ATP1A2: variants seen among roughly 807,000 people sequenced by gnomAD.
ATP1A2 encodes ATPase Na+/K+ transporting subunit alpha 2, also known as sodium/potassium-transporting ATPase subunit alpha-2.
A neutral mutation model predicts 113.1 loss-of-function variants in ATP1A2; 56 were observed. The observed-to-expected ratio is 0.49, with a 90% CI of 0.40 to 0.62. The LOEUF is 0.62. Ranked by LOEUF, ATP1A2 falls within the 20% of genes least tolerant of loss-of-function variation. ATP1A2 has a pLI of 0.00. For synonymous variants in ATP1A2, 490 were observed against 526.8 expected, an observed-to-expected ratio of 0.93 and a Z score of 0.96; for missense variants, 712 against 1,357.8, an observed-to-expected ratio of 0.52 and a Z score of 7.47.
In ATP1A2 at chr1:160,130,500, C is replaced by G; in HGVS notation, c.1730C>G (p.Thr577Arg). The G allele has an allele frequency of 6.2e-7, 1 of 1,614,250 alleles. No homozygotes were observed. The change falls in exon 13 of 23, where the codon ACG becomes AGG. Residue 577 changes from threonine (T) to arginine (R), a missense_variant. By Grantham distance (71) the Thr-to-Arg change is moderately conservative. This residue lies in a region of ATP1A2 where 263 missense variants were observed against 380.6 expected (regional missense o/e 0.69). Coordinates refer to ENST00000361216, the MANE Select transcript of ATP1A2 (RefSeq NM_000702.4). ...GACACGGATGAGCTGAACTTTCCCA[C>G]GGAGAAGCTTTGCTTTGTGGGGCTC... is the stretch of plus-strand genomic sequence containing the variant. ...KFDTDELNFPTEKLCFVGLMS... is the reference protein window; with the variant it reads ...KFDTDELNFPREKLCFVGLMS...
chr1:160,129,955 C>A (rs1279633781), intron 11 of ATP1A2, 147 bp from the exon 12 acceptor site: 8 of 990,560 alleles, frequency 8.1e-6, no homozygotes, highest in African/African-American at 1.6e-5. Context: ...GGTCTAAACA[C>A]CCCCCTGCAC....
At chr1:160,134,984 G>C (rs1283842697) in intron 14 of ATP1A2, among the ~76,000 whole-genome samples, 161 bp from the exon 15 acceptor site, 1 of 152,198 alleles carries the variant, frequency 6.6e-6, no homozygotes, top group East Asian at 1.9e-4. Flanking sequence ...TTCTCAAAGA[G>C]AAATGGGGGA....
In ATP1A2 at chr1:160,128,807, C is replaced by T. The variant is rs757553462; in HGVS notation, c.1173C>T (p.Phe391=). ...GCATGACCGTCGCCCACATGTGGTTCGACAACCAAATCCATGAGGCTGACA... is the reference window on the plus strand; with the variant it reads ...GCATGACCGTCGCCCACATGTGGTTTGACAACCAAATCCATGAGGCTGACA... ...QNRMTVAHMW[F]DNQIHEADTT... Residue 391 remains phenylalanine, a synonymous_variant, in exon 9 of 23, where the codon TTC becomes TTT. Coordinates refer to ENST00000361216, the MANE Select transcript of ATP1A2 (RefSeq NM_000702.4). 6.2e-6 allele frequency: 10 copies of T among 1,614,020 alleles called. No homozygotes were observed. The highest frequency in any genetic ancestry group is 2.7e-5 in the African/African-American group (2 of 74,898).
chr1:160,124,502 G>C (rs895709287), intron 6 of ATP1A2, 72 bp downstream of exon 6: 8 of 1,553,624 alleles, frequency 5.1e-6, no homozygotes, highest in Non-Finnish European at 3.5e-6. Flanking sequence ...GAGGGGCCCA[G>C]TGAGGTTTAA....
chr1:160,115,953 G>T lies in ATP1A2; in HGVS notation c.12+80G>T, dbSNP rs372906753. 805 of 1,557,764 alleles carry T rather than the reference G, an allele frequency of 5.2e-4. 2 individuals carry two copies. In the African/African-American group the frequency reaches 9.5e-3, roughly 18 times the overall value. ...AGGAAGGATGAAGTGGGAATGGGATGTGGAAGGAGCGGGAGAGAGGAGCTG... is the reference window on the plus strand; with the variant it reads ...AGGAAGGATGAAGTGGGAATGGGATTTGGAAGGAGCGGGAGAGAGGAGCTG... On this transcript the variant is annotated intron_variant, in intron 1 of 22. Transcript: ENST00000361216.
intron 6 of ATP1A2, among the ~76,000 whole-genome samples, 200 bp from the exon 7 acceptor site, chr1:160,124,936 A>G (rs908055965): frequency 1.3e-5 from 2 of 152,216 alleles, no homozygotes; most frequent in Non-Finnish European, 2.9e-5. Context: ...CCGAGGTCAC[A>G]TAAGAAGTCA....
intron 22 of ATP1A2, 25 bp from the exon 23 acceptor site, chr1:160,141,269 T>C: frequency 6.2e-7 from 1 of 1,613,850 alleles, no homozygotes; most frequent in Admixed American, 1.7e-5. Context: ...CATGCTGCAA[T>C]CTCCACTCCC....
rs1652140887 is a variant in ATP1A2 at position 160,141,327 on chromosome 1, A to T, written c.*5A>T. The T allele has an allele frequency of 6.2e-7, 1 of 1,613,898 alleles. No homozygotes were observed. The highest frequency in any genetic ancestry group is 2.2e-5 in the East Asian group (1 of 44,894). ...GAGAAGGAGACATACTACTGACCCC[A>T]TTGGAAGAAGAACCAGGCATGGAAA... On this transcript the variant is annotated 3_prime_UTR_variant, in exon 23 of 23. Coordinates refer to ENST00000361216, the MANE Select transcript of ATP1A2 (RefSeq NM_000702.4).
At chr1:160,120,564 A>G (rs1651359903) in intron 1 of ATP1A2, among the ~76,000 whole-genome samples, 2 of 152,300 alleles carry the variant, frequency 1.3e-5, no homozygotes, top group South Asian at 2.1e-4. Flanking sequence ...ATAGTGTAGG[A>G]TACAGGTTTT....
chr1:160,141,376 T>C lies in ATP1A2; in HGVS notation c.*54T>C. The stretch of plus-strand genomic sequence containing the variant: ...AAGATGGGGAGCTCTGGAGGTGTTG[T>C]GGGGATGGTGATGGAGAGGGATGGA... On this transcript the variant is annotated 3_prime_UTR_variant, in exon 23 of 23. Coordinates refer to ENST00000361216, the MANE Select transcript of ATP1A2 (RefSeq NM_000702.4). 1 of 1,606,022 alleles carries C rather than the reference T, an allele frequency of 6.2e-7. No individual in the cohort carries two copies. The highest frequency in any genetic ancestry group is 8.5e-7 in the Non-Finnish European group (1 of 1,172,692).
chr1:160,122,299 A>C (rs1411542944), intron 3 of ATP1A2, among the ~76,000 whole-genome samples: 1 of 151,720 alleles, frequency 6.6e-6, no homozygotes, highest in Non-Finnish European at 1.5e-5. Flanking sequence ...ATTGTGTGTC[A>C]CCTCTCCAGA....
At chr1:160,129,172 A>T in intron 10 of ATP1A2, 83 bp downstream of exon 10, 1 of 1,608,782 alleles carries the variant, frequency 6.2e-7, no homozygotes, top group East Asian at 2.2e-5. Flanking sequence ...TTCTCACATG[A>T]TGTGGCTGCC....
At chr1:160,120,851 T>C in intron 1 of ATP1A2, 55 bp from the exon 2 acceptor site, 1 of 1,522,870 alleles carries the variant, frequency 6.6e-7, no homozygotes, top group Non-Finnish European at 8.9e-7. Context: ...GTGGTGGGAA[T>C]GGAGGCCCCA....
At chr1:160,138,335 G>T (rs1652021373) in intron 20 of ATP1A2, among the ~76,000 whole-genome samples, 1 of 152,246 alleles carries the variant, frequency 6.6e-6, no homozygotes, top group Non-Finnish European at 1.5e-5. Context: ...ATGACGTGGT[G>T]ATCGGATGCT....
chr1:160,139,607 C>G, intron 20 of ATP1A2, 33 bp from the exon 21 acceptor site: 1 of 1,599,996 alleles, frequency 6.3e-7, no homozygotes. Flanking sequence ...CATGATCCCC[C>G]TTCACCTGCC....
chr1:160,134,721 C>A (rs1651881333), intron 14 of ATP1A2, 101 bp downstream of exon 14: 1 of 1,530,416 alleles, frequency 6.5e-7, no homozygotes, highest in African/African-American at 1.4e-5. Context: ...TTTCTGGGAC[C>A]TTTATAGGCC....
In ATP1A2 at chr1:160,115,798, G is replaced by A. The variant is rs937616856; in HGVS notation, c.-64G>A. On this transcript the variant is annotated 5_prime_UTR_variant, in exon 1 of 23. It adds an upstream start codon to the 5' untranslated region. Coordinates refer to ENST00000361216, the MANE Select transcript of ATP1A2 (RefSeq NM_000702.4). ...GTCTCCGACTGTCCCAGACGGGCTGGTGTGGGCTTGGGATCCTCCTGGTGA... is the reference window on the plus strand; with the variant it reads ...GTCTCCGACTGTCCCAGACGGGCTGATGTGGGCTTGGGATCCTCCTGGTGA... 11 of 1,565,362 alleles carry A rather than the reference G, an allele frequency of 7.0e-6. No individual in the cohort carries two copies. The African/African-American group carries it at 9.5e-5, about 13-fold the overall frequency.
At chr1:160,129,662 C>T (rs898426872) in intron 11 of ATP1A2, among the ~76,000 whole-genome samples, 1 of 152,196 alleles carries the variant, frequency 6.6e-6, no homozygotes, top group Non-Finnish European at 1.5e-5. Flanking sequence ...CTGGCCTAGC[C>T]TTCCAACTCT....
chr1:160,118,758 T>C (rs1651270440), intron 1 of ATP1A2, among the ~76,000 whole-genome samples: 1 of 152,096 alleles, frequency 6.6e-6, no homozygotes, highest in African/African-American at 2.4e-5. Flanking sequence ...TGACTTCTCC[T>C]TGCATCCCCC....
Sources: gnomAD v4.1 joint callset for allele counts (sites outside exome capture counted in the v4.1 genomes callset) on GRCh38, gnomAD v4.1.1 for gene constraint, gnomAD v4.1.1 regional missense constraint, MANE v1.5 for transcripts, NCBI Gene and HGNC (gene_info 2026-07-23, HGNC 2026-07-21) for gene names.